The following DNAH9 variants were observed in gnomAD, a reference collection of about 807,000 sequenced individuals.
DNAH9 encodes DNAH9 variant protein.
Under a neutral mutation model 471.6 loss-of-function variants are expected in DNAH9, and 345 were observed. The observed-to-expected ratio is 0.73, with a 90% CI of 0.67 to 0.80. The LOEUF (loss-of-function observed/expected upper bound fraction) is 0.80, where lower values mean the gene tolerates loss of function less well. DNAH9 is among the 30% of genes least tolerant of loss of function. DNAH9 has a pLI of 0.00. For synonymous variants in DNAH9, 2,093 were observed against 2,123.6 expected (o/e 0.99, Z 0.40); for missense variants, 5,407 against 5,609.2 (o/e 0.96, Z 1.15).
chr17:11,694,634 CTT>C (rs2074401601), intron 22 of DNAH9, among the ~76,000 whole-genome samples, 187 bp downstream of exon 22: 2 of 4,406 alleles, frequency 4.5e-4, no homozygotes, highest in African/African-American at 6.0e-4. Flanking sequence ...TGCTTTCTTG[CTT>C]TCTTGCTTTC....
At chr17:11,967,034 C>CAAAA (rs375839377) in intron 68 of DNAH9, among the ~76,000 whole-genome samples, 5 of 65,068 alleles carry the variant, frequency 7.7e-5, no homozygotes, top group Admixed American at 1.7e-4. Context: ...GACTCCATCT[C>CAAAA]AAAAAAAAAA....
chr17:11,694,484 G>A (rs762819007), intron 22 of DNAH9, 37 bp downstream of exon 22: 1 of 1,611,336 alleles, frequency 6.2e-7, no homozygotes, highest in Admixed American at 1.7e-5. Context: ...GGTCTAGGAG[G>A]GCTGAGGGGT....
rs775198899 is a variant in DNAH9 at position 11,933,889 on chromosome 17, G to C, written c.12307G>C (p.Asp4103His). ...TTCCCCCATCACTCAGGTCCCCTATGATGATTTGCGCTACCTGTTTGGAGA... is the reference window on the plus strand; with the variant it reads ...TTCCCCCATCACTCAGGTCCCCTATCATGATTTGCGCTACCTGTTTGGAGA... ...FLEANAKVPY[D>H]DLRYLFGEIM... The change falls in exon 65 of 69, where the codon GAT becomes CAT. Residue 4103 changes from aspartate to histidine, a missense_variant. Asp to His is a moderately conservative substitution (Grantham distance 81, BLOSUM62 -1). Coordinates refer to ENST00000262442, the MANE Select transcript of DNAH9 (RefSeq NM_001372.4). 1 of 1,612,252 alleles carries C rather than the reference G, an allele frequency of 6.2e-7. No individual in the cohort carries two copies. Among genetic ancestry groups the C allele is most frequent in the Non-Finnish European group, 8.5e-7 (1 of 1,179,008 alleles).
At chr17:11,899,183 T>TAAAAA (rs3842381) in intron 59 of DNAH9, among the ~76,000 whole-genome samples, 6 of 151,148 alleles carry the variant, frequency 4.0e-5, no homozygotes, top group Non-Finnish European at 8.9e-5. Flanking sequence ...CATGATTTTT[T>TAAAAA]AAAAAAAAAA....
intron 8 of DNAH9, among the ~76,000 whole-genome samples, chr17:11,635,347 T>A (rs2073141568): frequency 7.9e-6 from 1 of 126,244 alleles, no homozygotes; most frequent in African/African-American, 2.9e-5. Flanking sequence ...TTTTTTTTTT[T>A]TTTTTTTTTT....
At chr17:11,897,945 C>G (rs925060881) in intron 59 of DNAH9, among the ~76,000 whole-genome samples, 1 of 152,102 alleles carries the variant, frequency 6.6e-6, no homozygotes, top group African/African-American at 2.4e-5. Flanking sequence ...GGGCCGTGCT[C>G]CCTCCAGAGG....
intron 66 of DNAH9, among the ~76,000 whole-genome samples, chr17:11,941,733 TAGATAGTGA>T (rs1974919591): frequency 6.8e-6 from 1 of 148,014 alleles, no homozygotes; most frequent in Admixed American, 6.8e-5. Flanking sequence ...GATAGATAGA[TAGATAGTGA>T]TAGATTAGAT....
intron 38 of DNAH9, among the ~76,000 whole-genome samples, chr17:11,780,195 A>C (rs1473460272): frequency 6.6e-6 from 1 of 152,232 alleles, no homozygotes. Flanking sequence ...GAGTTTCTGC[A>C]CTCTGTCTCC....
chr17:11,785,568 A>G (rs545897814), intron 41 of DNAH9, among the ~76,000 whole-genome samples: 1 of 152,166 alleles, frequency 6.6e-6, no homozygotes, highest in Non-Finnish European at 1.5e-5. Context: ...CTCAAGAGCT[A>G]TGGACCAGGA....
At chr17:11,603,000 T>C (rs532340203) in intron 1 of DNAH9, among the ~76,000 whole-genome samples, 57 of 152,344 alleles carry the variant, frequency 3.7e-4, no homozygotes, top group South Asian at 8.3e-4. Context: ...TTGAGTGCCA[T>C]GCTCCTTCAT....
chr17:11,931,691 C>T (rs1317999636), intron 63 of DNAH9, among the ~76,000 whole-genome samples: 1 of 152,142 alleles, frequency 6.6e-6, no homozygotes, highest in African/African-American at 2.4e-5. Flanking sequence ...ACCCACACCC[C>T]ACACCCCGGT....
At chr17:11,804,262 C>T (rs1170801587) in intron 43 of DNAH9, among the ~76,000 whole-genome samples, 1 of 152,068 alleles carries the variant, frequency 6.6e-6, no homozygotes, top group Non-Finnish European at 1.5e-5. Context: ...ATAAATAACT[C>T]CTGAATATTT....
chr17:11,867,005 C>A (rs1022262881), intron 50 of DNAH9, among the ~76,000 whole-genome samples: 2 of 152,236 alleles, frequency 1.3e-5, no homozygotes, highest in East Asian at 3.9e-4. Context: ...TGCTTCAGCT[C>A]GCGCATGGTG....
intron 49 of DNAH9, among the ~76,000 whole-genome samples, chr17:11,851,723 G>A (rs551733033): frequency 1.3e-5 from 2 of 152,234 alleles, no homozygotes; most frequent in East Asian, 3.9e-4. Flanking sequence ...TCATCATACT[G>A]CCAGCTCCAT....
In DNAH9 at chr17:11,679,788, A is replaced by G. The variant is rs1407279358; in HGVS notation, c.3385A>G (p.Ser1129Gly). 6.2e-7 allele frequency: 1 copy of G among 1,614,136 alleles called. No individual in the cohort carries two copies. The highest frequency in any genetic ancestry group is 8.5e-7 in the Non-Finnish European group (1 of 1,179,996). ...CAACCTGGATGCGTTTATAAAGAAG[A>G]GTGAGAGCGGCTTACTCAAGAAAGT... Reference protein sequence around the residue: ...LANLDAFIKKSESGLLKKVEK... With the variant: ...LANLDAFIKKGESGLLKKVEK... Residue 1129 changes from serine (S) to glycine (G), a missense_variant, in exon 18 of 69, where the codon AGT becomes GGT. Physicochemically the swap from Ser to Gly is moderately conservative, Grantham distance 56. Transcript: ENST00000262442.
chr17:11,839,298 C>G (rs550094856), intron 49 of DNAH9, among the ~76,000 whole-genome samples: 1 of 152,082 alleles, frequency 6.6e-6, no homozygotes, highest in East Asian at 1.9e-4. Flanking sequence ...GGGCGGATCA[C>G]GAGGTCAGGA....
Position 11,742,259 on chromosome 17 carries a change from A to T in DNAH9, c.6057A>T (p.Leu2019Phe), listed in dbSNP as rs150761490. Residue 2019 changes from leucine to phenylalanine, a missense_variant, in exon 30 of 69, where the codon TTA becomes TTT. By Grantham distance (22) the Leu-to-Phe change is conservative. Coordinates refer to ENST00000262442, the MANE Select transcript of DNAH9 (RefSeq NM_001372.4). The stretch of plus-strand genomic sequence containing the variant: ...AAGGATTCATTGAAGCCCAGTCATT[A>T]GCCAGAAAGTTCATCACTCTTTACC... Reference protein sequence around the residue: ...VAEGFIEAQSLARKFITLYQL... With the variant: ...VAEGFIEAQSFARKFITLYQL... 2 of 1,614,172 alleles carry T rather than the reference A, an allele frequency of 1.2e-6. No individual in the cohort carries two copies. Among genetic ancestry groups the T allele is most frequent in the Non-Finnish European group, 1.7e-6 (2 of 1,179,988 alleles).
intron 49 of DNAH9, among the ~76,000 whole-genome samples, chr17:11,851,667 G>A (rs1056871140): frequency 2.6e-5 from 4 of 152,148 alleles, no homozygotes; most frequent in Non-Finnish European, 5.9e-5. Context: ...GGAAGGAAGA[G>A]AAAGTCCACA....
chr17:11,829,357 C>T (rs182124302), intron 48 of DNAH9, among the ~76,000 whole-genome samples: 3 of 152,228 alleles, frequency 2.0e-5, no homozygotes, highest in Admixed American at 1.3e-4. Flanking sequence ...AGATAAAAGA[C>T]AAATCTATTT....
Sources: gnomAD v4.1 joint callset for allele counts (sites outside exome capture counted in the v4.1 genomes callset) on GRCh38, gnomAD v4.1.1 for gene constraint, MANE v1.5 for transcripts, NCBI Gene and HGNC (gene_info 2026-07-23, HGNC 2026-07-21) for gene names.